Variants in KIF3C observed in about 807,000 individuals in gnomAD.
KIF3C encodes kinesin family member 3C, also known as kinesin-like protein KIF3C.
In KIF3C, 12 loss-of-function variants were observed where a neutral mutation model predicts 67.7. That is an observed-to-expected ratio of 0.18 (90% CI 0.11 to 0.29). The LOEUF is 0.29. KIF3C is among the 10% of genes least tolerant of loss of function. The pLI, the probability that KIF3C is intolerant of heterozygous loss-of-function variation, is 1.00. For synonymous variants in KIF3C, 393 were observed against 426.2 expected (o/e 0.92, Z 0.96); for missense variants, 789 against 1,059.6 (o/e 0.74, Z 3.55).
chr2:25,944,102 C>T (rs1663364156), intron 5 of KIF3C, among the ~76,000 whole-genome samples: 1 of 151,324 alleles, frequency 6.6e-6, no homozygotes, highest in South Asian at 2.1e-4. Flanking sequence ...GGCTGGAGTG[C>T]AATGGCATGA....
At chr2:25,930,506 GCAC>G (rs1388102229) in intron 5 of KIF3C, among the ~76,000 whole-genome samples, 1 of 152,014 alleles carries the variant, frequency 6.6e-6, no homozygotes, top group Non-Finnish European at 1.5e-5. Context: ...TTACAGGCAT[GCAC>G]CACCACACCT....
intron 5 of KIF3C, among the ~76,000 whole-genome samples, chr2:25,950,634 A>G (rs11126303): frequency 0.15 from 22,165 of 152,086 alleles, 4,012 homozygotes; most frequent in East Asian, 0.88. Flanking sequence ...CAAATGCAGA[A>G]TCACAAAACC....
At chr2:25,979,186 G>T (rs1664494925) in intron 1 of KIF3C, among the ~76,000 whole-genome samples, 1 of 152,120 alleles carries the variant, frequency 6.6e-6, no homozygotes, top group Non-Finnish European at 1.5e-5. Flanking sequence ...AAGGCTCCAG[G>T]GGCCTGGAAA....
At chr2:25,966,026 C>T (rs1026195717) in intron 1 of KIF3C, among the ~76,000 whole-genome samples, 5 of 152,006 alleles carry the variant, frequency 3.3e-5, no homozygotes, top group African/African-American at 1.2e-4. Flanking sequence ...AACCCCAACC[C>T]CCATGCTTTA....
chr2:25,959,571 C>G (rs1663894025), intron 1 of KIF3C, among the ~76,000 whole-genome samples: 1 of 152,164 alleles, frequency 6.6e-6, no homozygotes, highest in Non-Finnish European at 1.5e-5. Context: ...TCCCACGTAG[C>G]TGAGACTACA....
chr2:25,980,468 C>T lies in KIF3C; in HGVS notation c.1450G>A (p.Glu484Lys), dbSNP rs202201799. Reference protein sequence around the residue: ...AIQDDRSLVSEEKQKLLEEKE... With the variant: ...AIQDDRSLVSKEKQKLLEEKE... ...TCCTCCAGCAGCTTCTGCTTCTCCT[C>T]GCTCACCAGGCTGCGGTCATCCTGG... is the stretch of plus-strand genomic sequence containing the variant. Residue 484 changes from glutamate to lysine, a missense_variant, in exon 1 of 8, where the codon GAG becomes AAG. Physicochemically the swap from Glu to Lys is moderately conservative, Grantham distance 56. Coordinates refer to ENST00000264712, the MANE Select transcript of KIF3C (RefSeq NM_002254.8). This position sits in a 1 kb window ranked among gnomAD's most constrained non-coding sequence, Gnocchi z 7.6. 7.4e-6 allele frequency: 12 copies of T among 1,614,160 alleles called. No individual in the cohort carries two copies. Among genetic ancestry groups the T allele is most frequent in the Non-Finnish European group, 8.5e-6 (10 of 1,180,044 alleles).
intron 5 of KIF3C, among the ~76,000 whole-genome samples, chr2:25,941,247 T>G (rs1305711881): frequency 6.6e-6 from 1 of 152,062 alleles, no homozygotes; most frequent in Non-Finnish European, 1.5e-5. Flanking sequence ...AAGGCTGTAG[T>G]GAGCCATGAT....
chr2:25,973,994 A>G (rs1664345836), intron 1 of KIF3C, among the ~76,000 whole-genome samples: 1 of 152,266 alleles, frequency 6.6e-6, no homozygotes, highest in African/African-American at 2.4e-5. Flanking sequence ...GGTTTGACAT[A>G]GCAATAATAA....
At chr2:25,949,287 G>T (rs1341244789) in intron 5 of KIF3C, among the ~76,000 whole-genome samples, 2 of 152,064 alleles carry the variant, frequency 1.3e-5, no homozygotes, top group South Asian at 2.1e-4. Context: ...ATAAAAAGCT[G>T]ACGTGGCCAG....
chr2:25,970,126 C>T (rs1664240609), intron 1 of KIF3C, among the ~76,000 whole-genome samples: 2 of 152,102 alleles, frequency 1.3e-5, no homozygotes, highest in Admixed American at 6.6e-5. Flanking sequence ...GACAAGAGTT[C>T]CCACTGGGGC....
chr2:25,938,809 CCA>C (rs1289844577), intron 5 of KIF3C, among the ~76,000 whole-genome samples: 2 of 152,152 alleles, frequency 1.3e-5, no homozygotes, highest in African/African-American at 4.8e-5. Context: ...GGCCCCACAA[CCA>C]CAGTTATCCT....
chr2:25,968,859 T>C (rs1197670366), intron 1 of KIF3C, among the ~76,000 whole-genome samples: 7 of 151,978 alleles, frequency 4.6e-5, no homozygotes, highest in Non-Finnish European at 1.5e-5. Flanking sequence ...AGTCTTGCTC[T>C]GTCACCCAGG....
Position 25,982,403 on chromosome 2 carries a change from C to G in KIF3C, c.-486G>C. 5.0e-6 allele frequency: 2 copies of G among 398,648 alleles called. No individual in the cohort carries two copies. Among genetic ancestry groups the G allele is most frequent in the Non-Finnish European group, 8.8e-6 (2 of 226,058 alleles). 24.7% of individuals were successfully genotyped at this position (398,648 alleles called of 1,614,324 possible). On this transcript the variant is annotated 5_prime_UTR_variant, in exon 1 of 8. Transcript: ENST00000264712. Reference sequence around the variant, plus strand: ...AGAGGCTCACCTGGAGTCCTCCCCCCAAGCTGGGGGATCATTCATTGCAGC... The same window carrying G: ...AGAGGCTCACCTGGAGTCCTCCCCCGAAGCTGGGGGATCATTCATTGCAGC...
At chr2:25,963,196 A>ATATATT (rs1190713944) in intron 1 of KIF3C, among the ~76,000 whole-genome samples, 1 of 43,300 alleles carries the variant, frequency 2.3e-5, no homozygotes, top group Non-Finnish European at 3.6e-5. Flanking sequence ...ATATATATAT[A>ATATATT]TTTTTTTTTT....
At chr2:25,941,197 G>A (rs1241593116) in intron 5 of KIF3C, among the ~76,000 whole-genome samples, 3 of 152,070 alleles carry the variant, frequency 2.0e-5, no homozygotes, top group East Asian at 1.9e-4. Context: ...TAAGCTACTC[G>A]GGAAGTTGAA....
chr2:25,959,765 T>G (rs1242925744), intron 1 of KIF3C, among the ~76,000 whole-genome samples: 1 of 152,036 alleles, frequency 6.6e-6, no homozygotes, highest in African/African-American at 2.4e-5. Flanking sequence ...TATCCCAGTT[T>G]CTCCTCCCAT....
At chr2:25,967,394 C>T (rs926703494) in intron 1 of KIF3C, among the ~76,000 whole-genome samples, 3 of 152,294 alleles carry the variant, frequency 2.0e-5, no homozygotes, top group African/African-American at 4.8e-5. Context: ...GTGCTCCAGT[C>T]GGGCTACACA....
chr2:25,944,202 C>T lies in KIF3C; in HGVS notation c.2006+7587G>A, dbSNP rs141006950. Among the ~76,000 whole-genome samples, 248 of 150,424 alleles carry T rather than the reference C, an allele frequency of 1.6e-3. 5 individuals carry two copies. The East Asian group carries it at 0.041, about 25-fold the overall frequency. ...AGCTGGGATTACAGGTGTGATCCAC[C>T]GTGCACAGCTACCTGATATTTCTTA... On this transcript the variant is annotated intron_variant, in intron 5 of 7. Transcript: ENST00000264712.
At chr2:25,970,116 G>T (rs1421384207) in intron 1 of KIF3C, among the ~76,000 whole-genome samples, 1 of 152,176 alleles carries the variant, frequency 6.6e-6, no homozygotes, top group South Asian at 2.1e-4. Flanking sequence ...TATCTCAGGA[G>T]ACAAGAGTTC....
Sources: gnomAD v4.1 joint callset for allele counts (sites outside exome capture counted in the v4.1 genomes callset) on GRCh38, gnomAD v4.1.1 for gene constraint, Gnocchi (gnomAD v3.1) non-coding constraint, MANE v1.5 for transcripts, NCBI Gene and HGNC (gene_info 2026-07-23, HGNC 2026-07-21) for gene names.